Variants in ARHGEF11 observed in about 807,000 individuals in gnomAD.
ARHGEF11 encodes the protein Rho guanine exchange factor (GEF) 11.
Under a neutral mutation model 193.7 loss-of-function variants are expected in ARHGEF11, and 55 were observed. The observed-to-expected ratio is 0.28, with a 90% CI of 0.23 to 0.36. The LOEUF (loss-of-function observed/expected upper bound fraction) is 0.36, where lower values mean the gene tolerates loss of function less well. Ranked by LOEUF, ARHGEF11 falls within the 10% of genes least tolerant of loss-of-function variation. The pLI is 1.00. For missense variants in ARHGEF11, 1,723 were observed against 2,005.6 expected, an observed-to-expected ratio of 0.86 and a Z score of 2.69; for synonymous variants, 693 against 768.0, an observed-to-expected ratio of 0.90 and a Z score of 1.62.
At position 156,947,782 on chromosome 1, in the gene ARHGEF11, T is replaced by C. The variant is rs772603986; in HGVS notation, c.2328A>G (p.Gln776=). ...GCACGTTCTCACCATTGATGACCTC[T>C]TGCCGGTCAATCTCCCGCTGGGTTA... is the stretch of plus-strand genomic sequence containing the variant. ...AGLTQREIDR[Q]EVINELFVTE... Residue 776 remains glutamine (Q), a synonymous_variant, in exon 25 of 41, where the codon CAA becomes CAG. Coordinates refer to ENST00000368194, the MANE Select transcript of ARHGEF11 (RefSeq NM_198236.3). 1 of 1,613,300 alleles carries C rather than the reference T, an allele frequency of 6.2e-7. No individual in the cohort carries two copies. Among genetic ancestry groups the C allele is most frequent in the Non-Finnish European group, 8.5e-7 (1 of 1,179,998 alleles).
intron 1 of ARHGEF11, among the ~76,000 whole-genome samples, chr1:157,043,147 A>C (rs866984355): frequency 8.5e-5 from 13 of 152,188 alleles, no homozygotes; most frequent in Middle Eastern, 3.2e-3. Context: ...CCACAACCAA[A>C]AGGAAATTAT....
chr1:157,014,810 C>T (rs1226251061), intron 1 of ARHGEF11, among the ~76,000 whole-genome samples: 1 of 152,228 alleles, frequency 6.6e-6, no homozygotes. Flanking sequence ...CTGCATGCAA[C>T]AATGTTGATT....
chr1:157,026,508 G>A (rs1295370543), intron 1 of ARHGEF11, among the ~76,000 whole-genome samples: 1 of 152,160 alleles, frequency 6.6e-6, no homozygotes, highest in African/African-American at 2.4e-5. Flanking sequence ...AATAGAGAAG[G>A]TAGGGCTAGA....
chr1:156,948,659 C>G lies in ARHGEF11; in HGVS notation c.1926-161G>C. On this transcript the variant is annotated intron_variant, in intron 22 of 40. Coordinates refer to ENST00000368194, the MANE Select transcript of ARHGEF11 (RefSeq NM_198236.3). The surrounding 1 kb of genome is among the most constrained non-coding windows in gnomAD (Gnocchi z 4.2). ...CAGCTGGATGGCAGTGGAAGCTTCTCAATGACAGACTATTTTTGCTGCTCT... is the reference window on the plus strand; with the variant it reads ...CAGCTGGATGGCAGTGGAAGCTTCTGAATGACAGACTATTTTTGCTGCTCT... 6.5e-7 allele frequency: 1 copy of G among 1,546,844 alleles called. No homozygotes were observed. The highest frequency in any genetic ancestry group is 8.7e-7 in the Non-Finnish European group (1 of 1,151,638).
intron 37 of ARHGEF11, chr1:156,939,307 T>C: frequency 1.8e-6 from 1 of 569,876 alleles, no homozygotes; most frequent in South Asian, 2.1e-5. Flanking sequence ...AGTTCAGAGA[T>C]GATTCAGAAT....
At chr1:157,023,128 A>C (rs1294056460) in intron 1 of ARHGEF11, among the ~76,000 whole-genome samples, 2 of 152,210 alleles carry the variant, frequency 1.3e-5, no homozygotes, top group Non-Finnish European at 2.9e-5. Flanking sequence ...ATAGCAACAA[A>C]AGAAATTAGA....
chr1:156,941,023 A>G (rs1213082197), intron 35 of ARHGEF11, among the ~76,000 whole-genome samples: 1 of 152,018 alleles, frequency 6.6e-6, no homozygotes, highest in Non-Finnish European at 1.5e-5. Context: ...TTCCATTCTC[A>G]TTGTTGCAGC....
At chr1:156,958,632 G>T in intron 17 of ARHGEF11, 110 bp downstream of exon 17, 1 of 1,489,686 alleles carries the variant, frequency 6.7e-7, no homozygotes, top group East Asian at 2.3e-5. Context: ...TCAGGGGCAG[G>T]AGAATCAGGC....
chr1:156,947,198 T>C (rs1658303198), intron 26 of ARHGEF11, 106 bp downstream of exon 26: 4 of 1,490,732 alleles, frequency 2.7e-6, no homozygotes, highest in Admixed American at 2.0e-5. Flanking sequence ...TCACCAGGGA[T>C]TGGTGGGAGG....
chr1:156,962,893 A>C (rs1390849049), intron 13 of ARHGEF11, among the ~76,000 whole-genome samples: 4 of 150,482 alleles, frequency 2.7e-5, no homozygotes, highest in Admixed American at 6.6e-5. Flanking sequence ...AAAAAAAAAA[A>C]AAAAAAAAAA....
intron 22 of ARHGEF11, among the ~76,000 whole-genome samples, chr1:156,950,994 C>T (rs1245131114): frequency 3.9e-5 from 6 of 152,206 alleles, no homozygotes; most frequent in African/African-American, 1.4e-4. Context: ...ATGAGAGATG[C>T]CAGTCTCAAT....
At chr1:156,974,438 T>C (rs1662972231) in intron 7 of ARHGEF11, among the ~76,000 whole-genome samples, 1 of 152,222 alleles carries the variant, frequency 6.6e-6, no homozygotes, top group Non-Finnish European at 1.5e-5. Flanking sequence ...CGAAGCCTTC[T>C]GATTATTGCA....
chr1:156,946,160 C>T lies in ARHGEF11; in HGVS notation c.2697G>A (p.Glu899=). 1 of 1,612,966 alleles carries T rather than the reference C, an allele frequency of 6.2e-7. No homozygotes were observed. Residue 899 remains glutamate (E), a splice_region_variant and synonymous_variant, in exon 29 of 41, where the codon GAG becomes GAA. Transcript: ENST00000368194. Reference sequence around the variant, plus strand: ...GCCGACACTGAGGGTGGCTCTCAGCCTCCTAGACAGCAGGAGACACAGAAG... The same window carrying T: ...GCCGACACTGAGGGTGGCTCTCAGCTTCCTAGACAGCAGGAGACACAGAAG... ...KESRFQLFMQ[E]AESHPQCRRL...
chr1:156,935,642 T>G lies in ARHGEF11; in HGVS notation c.*358A>C, dbSNP rs1374128735. On this transcript the variant is annotated 3_prime_UTR_variant, in exon 41 of 41. Transcript: ENST00000368194. ...AAGAAAGTGCATTTACACAGAAGCC[T>G]CCTCCTTTCACTTGCATGTCTGAGG... The G allele has an allele frequency of 4.6e-6, 1 of 215,164 alleles. No homozygotes were observed. Among genetic ancestry groups the G allele is most frequent in the Non-Finnish European group, 9.1e-6 (1 of 109,292 alleles). The allele number at this position is 215,164 out of a possible 1,614,324, so 13.3% of individuals were successfully genotyped here.
intron 1 of ARHGEF11, among the ~76,000 whole-genome samples, chr1:157,042,149 G>C (rs554706324): frequency 3.3e-5 from 5 of 152,126 alleles, no homozygotes; most frequent in African/African-American, 1.2e-4. Flanking sequence ...TCTTAATGGG[G>C]AAGAGAATCA....
intron 1 of ARHGEF11, among the ~76,000 whole-genome samples, chr1:157,007,938 TTC>T (rs1668044561): frequency 2.9e-5 from 2 of 68,770 alleles, no homozygotes; most frequent in Non-Finnish European, 6.4e-5. Flanking sequence ...GTCTCTTTTG[TTC>T]TCTGTTACAG....
chr1:156,937,219 C>A, intron 39 of ARHGEF11, 30 bp downstream of exon 39: 1 of 1,612,908 alleles, frequency 6.2e-7, no homozygotes, highest in Non-Finnish European at 8.5e-7. Flanking sequence ...GACTGAAGGC[C>A]TGCAGGGACC....
chr1:156,979,223 A>G lies in ARHGEF11; in HGVS notation c.331+6T>C. On this transcript the variant is annotated splice_donor_region_variant and intron_variant, in intron 5 of 40. Transcript: ENST00000368194. ...CTACTTTAGTTGTCACCTCTCTCCA[A>G]CTCACATTTGATCAGCTTTACCACT... 6.2e-7 allele frequency: 1 copy of G among 1,613,256 alleles called. No individual in the cohort carries two copies. Among genetic ancestry groups the G allele is most frequent in the African/African-American group, 1.3e-5 (1 of 74,784 alleles).
chr1:156,940,163 C>A, intron 36 of ARHGEF11, 44 bp downstream of exon 36: 1 of 1,527,296 alleles, frequency 6.5e-7, no homozygotes, highest in African/African-American at 1.4e-5. Context: ...ACTGGGTGTG[C>A]GACTGGGGAC....
Sources: gnomAD v4.1 joint callset for allele counts (sites outside exome capture counted in the v4.1 genomes callset) on GRCh38, gnomAD v4.1.1 for gene constraint, Gnocchi (gnomAD v3.1) non-coding constraint, MANE v1.5 for transcripts, NCBI Gene and HGNC (gene_info 2026-07-23, HGNC 2026-07-21) for gene names.